Variants in CCDC47 observed in about 807,000 individuals in gnomAD.
CCDC47 encodes the protein coiled-coil domain containing 47, also known as PAT complex subunit CCDC47.
In CCDC47, 41 loss-of-function variants were observed where a neutral mutation model predicts 60.5. The ratio of observed to expected loss-of-function variants is 0.68; its 90% confidence interval spans 0.53 to 0.88. The LOEUF is 0.88. CCDC47 is among the 40% of genes least tolerant of loss of function. CCDC47 has a pLI of 0.00. For synonymous variants in CCDC47, 195 were observed against 190.7 expected, an observed-to-expected ratio of 1.02 and a Z score of -0.18; for missense variants, 513 against 580.9, an observed-to-expected ratio of 0.88 and a Z score of 1.20.
chr17:63,757,964 G>C (rs1045451290), intron 6 of CCDC47, among the ~76,000 whole-genome samples: 1 of 152,132 alleles, frequency 6.6e-6, no homozygotes, highest in Admixed American at 6.5e-5. Context: ...CCGTGAAAGA[G>C]AGGGAGGACG....
intron 2 of CCDC47, 97 bp from the exon 3 acceptor site, chr17:63,764,944 G>A (rs2144493657): frequency 1.3e-6 from 2 of 1,515,846 alleles, no homozygotes; most frequent in East Asian, 4.7e-5. Context: ...ACAAGAACGT[G>A]TAAGCAGCAA....
Position 63,746,846 on chromosome 17 carries a change from C to G in CCDC47, c.*35G>C, listed in dbSNP as rs763645100. 1 of 1,454,146 alleles carries G rather than the reference C, an allele frequency of 6.9e-7. No homozygotes were observed. The highest frequency in any genetic ancestry group is 2.3e-5 in the East Asian group (1 of 44,046). The allele number at this position is 1,454,146 out of a possible 1,614,324, so 90.1% of individuals were successfully genotyped here. ...ATGTTTCCTGTGAATTCAGAGCTTA[C>G]AGGTGGCATCAGAACTCAAATCTCT... On this transcript the variant is annotated 3_prime_UTR_variant, in exon 13 of 13. Coordinates refer to ENST00000225726, the MANE Select transcript of CCDC47 (RefSeq NM_020198.3).
chr17:63,757,970 G>A (rs1348339366), intron 6 of CCDC47, among the ~76,000 whole-genome samples: 5 of 152,120 alleles, frequency 3.3e-5, no homozygotes, highest in Non-Finnish European at 5.9e-5. Flanking sequence ...AAGAGAGGGA[G>A]GACGAAATTG....
At position 63,752,487 on chromosome 17, in the gene CCDC47, C is replaced by A; in HGVS notation, c.1094-58G>T. 2.6e-6 allele frequency: 3 copies of A among 1,172,864 alleles called. No individual in the cohort carries two copies. The South Asian group carries it at 4.5e-5, about 18-fold the overall frequency. 72.7% of individuals were successfully genotyped at this position (1,172,864 alleles called of 1,614,324 possible). On this transcript the variant is annotated intron_variant, in intron 10 of 12. Coordinates refer to ENST00000225726, the MANE Select transcript of CCDC47 (RefSeq NM_020198.3). ...AATGGTAGCATTAATATTTCCAGGTCACCCAACTCTTTTTTTTTTTTAATC... is the reference window on the plus strand; with the variant it reads ...AATGGTAGCATTAATATTTCCAGGTAACCCAACTCTTTTTTTTTTTTAATC...
Position 63,770,657 on chromosome 17 carries a change from G to A in CCDC47, c.-20+2755C>T, listed in dbSNP as rs971012175. 9.7e-4 allele frequency among the ~76,000 whole-genome samples: 147 copies of A among 152,178 alleles called. 1 individual carries two copies. Among genetic ancestry groups the A allele is most frequent in the South Asian group, 2.1e-3 (10 of 4,814 alleles). ...CAGTTTAATATCGAAGGTTATTGTC[G>A]AATGCCTTGCAATCCATGGATGCTC... is the stretch of plus-strand genomic sequence containing the variant. On this transcript the variant is annotated intron_variant, in intron 1 of 12. Transcript: ENST00000225726.
chr17:63,750,638 G>A (rs1019789432), intron 12 of CCDC47, among the ~76,000 whole-genome samples: 3 of 151,560 alleles, frequency 2.0e-5, no homozygotes, highest in Non-Finnish European at 4.4e-5. Flanking sequence ...AGGCTGGAGT[G>A]CAGTGGCTCG....
intron 2 of CCDC47, among the ~76,000 whole-genome samples, chr17:63,765,239 C>T (rs1352305426): frequency 1.3e-5 from 2 of 151,770 alleles, no homozygotes; most frequent in Non-Finnish European, 2.9e-5. Context: ...TGTTGTGCAC[C>T]TTAAATATAT....
chr17:63,765,623 A>T (rs1199033235), intron 2 of CCDC47: 18 of 1,046,706 alleles, frequency 1.7e-5, no homozygotes, highest in Non-Finnish European at 2.1e-5. Flanking sequence ...TACAGGCATG[A>T]GCCACCGTGC....
intron 12 of CCDC47, among the ~76,000 whole-genome samples, chr17:63,749,692 C>T (rs1003949624): frequency 4.0e-5 from 6 of 151,116 alleles, no homozygotes; most frequent in South Asian, 4.2e-4. Flanking sequence ...GAGGCTGCAG[C>T]GAGCTGAGAT....
chr17:63,754,543 T>A, intron 8 of CCDC47, 25 bp from the exon 9 acceptor site: 2 of 1,497,726 alleles, frequency 1.3e-6, no homozygotes, highest in Non-Finnish European at 1.8e-6. Context: ...ATAATATTTT[T>A]TAAAAGCAAG....
chr17:63,765,054 C>G, intron 2 of CCDC47: 5 of 655,878 alleles, frequency 7.6e-6, no homozygotes, highest in Non-Finnish European at 9.4e-6. Flanking sequence ...AGCAAGGTGA[C>G]TACAGTTAAT....
intron 1 of CCDC47, 33 bp from the exon 2 acceptor site, chr17:63,766,227 C>A (rs1395454456): frequency 3.8e-6 from 6 of 1,559,516 alleles, no homozygotes; most frequent in South Asian, 1.2e-5. Flanking sequence ...AAATGGATTG[C>A]CATTCTATAC....
intron 12 of CCDC47, 109 bp from the exon 13 acceptor site, chr17:63,747,070 GTAT>G: frequency 6.8e-7 from 1 of 1,466,136 alleles, no homozygotes; most frequent in Non-Finnish European, 9.0e-7. Context: ...ACTGCCTATA[GTAT>G]TATTCAAAAA....
chr17:63,757,795 A>G (rs575840692), intron 6 of CCDC47, among the ~76,000 whole-genome samples: 3 of 152,338 alleles, frequency 2.0e-5, no homozygotes, highest in Non-Finnish European at 2.9e-5. Flanking sequence ...CTGAATAACA[A>G]GAGTATCTTT....
chr17:63,752,354 A>G lies in CCDC47; in HGVS notation c.1169T>C (p.Ile390Thr), dbSNP rs1445918224. ...LPLMNMVIYS[I>T]DKAKKFRLNR... ...GAGTCGGAACTTTTTGGCTTTATCA[A>G]TAGAATAAATCACCATGTTCATCAG... Residue 390 changes from isoleucine to threonine, a missense_variant, in exon 11 of 13, where the codon ATT becomes ACT. Ile to Thr is a moderately conservative substitution (Grantham distance 89). Transcript: ENST00000225726. The G allele has an allele frequency of 1.2e-6, 2 of 1,613,968 alleles. No homozygotes were observed. Among genetic ancestry groups the G allele is most frequent in the East Asian group, 2.2e-5 (1 of 44,882 alleles).
At chr17:63,752,147 C>G (rs776088256) in intron 11 of CCDC47, 40 bp from the exon 12 acceptor site, 15 of 1,601,182 alleles carry the variant, frequency 9.4e-6, no homozygotes, top group Admixed American at 6.8e-5. Flanking sequence ...AAATCCATTT[C>G]TAGTCAACAG....
In CCDC47 at chr17:63,760,958, G is replaced by T. The variant is rs779907995; in HGVS notation, c.691C>A (p.Leu231Met). ...CTCATCATCCGGGCCAGGACATTCA[G>T]TAAGTCTTGTCTCTTGAGGAACTGA... The part of the protein sequence containing the change: ...QLRFLKRQDL[L>M]NVLARMMRPV... Residue 231 changes from leucine to methionine, a missense_variant, in exon 6 of 13, where the codon CTG (leucine) becomes ATG (methionine). Leu to Met is a conservative substitution (Grantham distance 15, BLOSUM62 2). Transcript: ENST00000225726. 3.7e-6 allele frequency: 6 copies of T among 1,613,486 alleles called. No homozygotes were observed. The East Asian group carries it at 1.3e-4, about 36-fold the overall frequency.
rs1289993652 is a variant in CCDC47, at chr17:63,756,520, A to G, written c.786T>C (p.Ala262=). The G allele has an allele frequency of 6.2e-7, 1 of 1,614,160 alleles. No individual in the cohort carries two copies. The part of the protein sequence containing the change: ...NDEDMDTYVF[A]VGTRKALVRL... ...GCACCAAGGCTTTCCGTGTGCCAAC[A>G]GCAAATACGTAGGTATCCATGTCTT... The change falls in exon 7 of 13, where the codon GCT becomes GCC. Residue 262 remains alanine, a synonymous_variant. Transcript: ENST00000225726.
intron 8 of CCDC47, 72 bp from the exon 9 acceptor site, chr17:63,754,590 A>G: frequency 1.0e-6 from 1 of 979,984 alleles, no homozygotes; most frequent in Non-Finnish European, 1.6e-6. Flanking sequence ...AAAGATATTC[A>G]CTCTTTGAGA....
Sources: allele counts gnomAD v4.1 joint callset (sites outside exome capture counted in the v4.1 genomes callset), GRCh38; gene constraint gnomAD v4.1.1; transcripts MANE v1.5; gene names NCBI Gene and HGNC (gene_info 2026-07-23, HGNC 2026-07-21).